The following ATP6V1H variants were observed in gnomAD, a reference collection of about 807,000 sequenced individuals.
The protein encoded by ATP6V1H is V-type proton ATPase subunit H.
ATP6V1H carries 39 observed loss-of-function variants against 71.7 expected under a neutral mutation model. The ratio of observed to expected loss-of-function variants is 0.54; its 90% CI spans 0.42 to 0.71. The LOEUF is 0.71. ATP6V1H is among the 30% of genes least tolerant of loss of function. The pLI, the probability that ATP6V1H is intolerant of heterozygous loss-of-function variation, is 0.00. For missense variants in ATP6V1H, 509 were observed against 594.9 expected (o/e 0.86, Z 1.50); for synonymous variants, 192 against 199.3 (o/e 0.96, Z 0.31).
chr8:53,764,942 T>C (rs1808399005), intron 11 of ATP6V1H, among the ~76,000 whole-genome samples: 1 of 151,980 alleles, frequency 6.6e-6, no homozygotes, highest in Non-Finnish European at 1.5e-5. Context: ...CCACAAAAAT[T>C]TAACAAAAAC....
intron 2 of ATP6V1H, among the ~76,000 whole-genome samples, chr8:53,835,564 T>C (rs1811132963): frequency 6.6e-6 from 1 of 152,262 alleles, no homozygotes; most frequent in Admixed American, 6.5e-5. Flanking sequence ...CCAAATTGTT[T>C]TGTATAGTTC....
intron 12 of ATP6V1H, among the ~76,000 whole-genome samples, chr8:53,745,770 G>C (rs986381581): frequency 6.6e-6 from 1 of 151,980 alleles, no homozygotes; most frequent in Non-Finnish European, 1.5e-5. Context: ...ACCACGTAAA[G>C]GACGCTTGTT....
intron 7 of ATP6V1H, among the ~76,000 whole-genome samples, chr8:53,808,724 C>T (rs2130456410): frequency 6.6e-6 from 1 of 151,344 alleles, no homozygotes; most frequent in East Asian, 2.0e-4. Context: ...TCGCTTCAGC[C>T]TGGGAGGCAG....
intron 7 of ATP6V1H, among the ~76,000 whole-genome samples, chr8:53,809,655 T>C (rs1029685837): frequency 5.9e-5 from 9 of 152,228 alleles, no homozygotes; most frequent in Non-Finnish European, 1.2e-4. Context: ...TCAGCAGAGT[T>C]TGCATTTCCT....
intron 13 of ATP6V1H, among the ~76,000 whole-genome samples, chr8:53,728,100 G>C (rs1212419058): frequency 6.6e-6 from 1 of 152,188 alleles, no homozygotes; most frequent in Non-Finnish European, 1.5e-5. Flanking sequence ...CCACGCAGCA[G>C]GCAGGGTGAC....
intron 13 of ATP6V1H, among the ~76,000 whole-genome samples, chr8:53,731,443 G>GT (rs1242330186): frequency 2.2e-4 from 33 of 152,206 alleles, no homozygotes; most frequent in Non-Finnish European, 3.7e-4. Flanking sequence ...CCTAACCACT[G>GT]TATTATCTAC....
At chr8:53,747,482 A>AT (rs142859914) in intron 12 of ATP6V1H, among the ~76,000 whole-genome samples, 5,683 of 148,966 alleles carry the variant, frequency 0.038, 124 homozygotes, top group African/African-American at 0.072. Context: ...ACTCTTTTTT[A>AT]TTTTTTTTAC....
intron 9 of ATP6V1H, among the ~76,000 whole-genome samples, chr8:53,784,598 T>G (rs907013854): frequency 6.6e-6 from 1 of 152,256 alleles, no homozygotes; most frequent in African/African-American, 2.4e-5. Flanking sequence ...AGCTGGTTAT[T>G]CTGCTCGTTA....
intron 6 of ATP6V1H, among the ~76,000 whole-genome samples, chr8:53,812,826 C>G (rs1332942826): frequency 6.6e-6 from 1 of 152,170 alleles, no homozygotes; most frequent in Admixed American, 6.5e-5. Flanking sequence ...TGCTGAGTAG[C>G]TGGAACTACA....
chr8:53,747,025 CT>C (rs1807624933), intron 12 of ATP6V1H, among the ~76,000 whole-genome samples: 1 of 152,272 alleles, frequency 6.6e-6, no homozygotes, highest in East Asian at 1.9e-4. Flanking sequence ...AATGCAGCAG[CT>C]GATGAAACCA....
At chr8:53,820,296 A>AAAG (rs765848283) in intron 4 of ATP6V1H, among the ~76,000 whole-genome samples, 29 of 152,010 alleles carry the variant, frequency 1.9e-4, no homozygotes, top group South Asian at 1.5e-3. Flanking sequence ...GTTTAAAAAA[A>AAAG]AAGAAGAAGA....
At chr8:53,830,196 A>AC (rs923976973) in intron 3 of ATP6V1H, among the ~76,000 whole-genome samples, 14 of 151,778 alleles carry the variant, frequency 9.2e-5, no homozygotes, top group Non-Finnish European at 1.8e-4. Context: ...CCCTTAAATC[A>AC]CCCCCCAAAA....
chr8:53,751,276 T>C (rs1807786457), intron 12 of ATP6V1H, among the ~76,000 whole-genome samples: 1 of 152,232 alleles, frequency 6.6e-6, no homozygotes, highest in Non-Finnish European at 1.5e-5. Flanking sequence ...TGGACAAGTT[T>C]CTAACTCTTG....
chr8:53,815,639 T>C (rs1249128944), intron 5 of ATP6V1H, among the ~76,000 whole-genome samples: 1 of 152,204 alleles, frequency 6.6e-6, no homozygotes, highest in Non-Finnish European at 1.5e-5. Context: ...TACTTGCTCA[T>C]TGAGTTGTGA....
At chr8:53,777,438 TA>T (rs1808933872) in intron 9 of ATP6V1H, among the ~76,000 whole-genome samples, 1 of 142,344 alleles carries the variant, frequency 7.0e-6, no homozygotes, top group Non-Finnish European at 1.5e-5. Context: ...GAGAGAAAAA[TA>T]AAGGAGAGAG....
At chr8:53,780,277 A>G (rs1445165106) in intron 9 of ATP6V1H, among the ~76,000 whole-genome samples, 2 of 152,096 alleles carry the variant, frequency 1.3e-5, no homozygotes, top group African/African-American at 4.8e-5. Context: ...TTCCCTCTAA[A>G]TTGTCCAAGA....
At position 53,829,395 on chromosome 8, in the gene ATP6V1H, A is replaced by G. The variant is rs761405347; in HGVS notation, c.306+49T>C. Reference sequence around the variant, plus strand: ...ACCAAAAATGCTGCTACTGTGAGGTATGCAAAAAAATGAAGTCACCAAATG... The same window carrying G: ...ACCAAAAATGCTGCTACTGTGAGGTGTGCAAAAAAATGAAGTCACCAAATG... On this transcript the variant is annotated intron_variant, in intron 4 of 13. Transcript: ENST00000359530. 5 of 1,174,714 alleles carry G rather than the reference A, an allele frequency of 4.3e-6. No homozygotes were observed. The South Asian group carries it at 5.0e-5, about 12-fold the overall frequency. The allele number at this position is 1,174,714 out of a possible 1,614,324, so 72.8% of individuals were successfully genotyped here.
intron 7 of ATP6V1H, among the ~76,000 whole-genome samples, chr8:53,806,354 A>G (rs1219816142): frequency 6.6e-6 from 1 of 152,130 alleles, no homozygotes; most frequent in Non-Finnish European, 1.5e-5. Flanking sequence ...ATTAAAATAC[A>G]TATATACCCC....
In ATP6V1H at chr8:53,843,143, C is replaced by G. The variant is rs1811398829; in HGVS notation, c.-145G>C. 1 of 152,368 alleles carries G rather than the reference C, an allele frequency of 6.6e-6. No homozygotes were observed. The highest frequency in any genetic ancestry group is 2.1e-4 in the South Asian group (1 of 4,838). 9.4% of individuals were successfully genotyped at this position (152,368 alleles called of 1,614,324 possible). A position where few individuals can be genotyped will look rare whatever the true frequency, so the allele number is the denominator to read the frequency against. ...CGCCGCGTCAGAGCCAAGTAGGCGT[C>G]TCCTGTCAGGTCCAGAGGTCTGAGC... is the stretch of plus-strand genomic sequence containing the variant. On this transcript the variant is annotated 5_prime_UTR_variant, in exon 1 of 14. Transcript: ENST00000359530.
Sources: allele counts gnomAD v4.1 joint callset (sites outside exome capture counted in the v4.1 genomes callset), GRCh38; gene constraint gnomAD v4.1.1; transcripts MANE v1.5; gene names NCBI Gene and HGNC (gene_info 2026-07-23, HGNC 2026-07-21).